Variants in TBC1D2B observed in about 807,000 individuals in gnomAD.
TBC1D2B encodes the protein TBC1 domain family, member 2B.
TBC1D2B carries 64 observed loss-of-function variants against 100.8 expected under a neutral mutation model. The ratio of observed to expected loss-of-function variants is 0.64; its 90% CI spans 0.52 to 0.78. The LOEUF (loss-of-function observed/expected upper bound fraction) is 0.78. Among genes scored for constraint, TBC1D2B ranks in the 30% least tolerant of loss-of-function variants. TBC1D2B has a pLI of 0.00. For missense variants in TBC1D2B, 1,052 were observed against 1,218.4 expected (o/e 0.86, Z 2.03); for synonymous variants, 480 against 479.7 (o/e 1.00, Z -0.01).
In TBC1D2B at chr15:78,024,499, T is replaced by C; in HGVS notation, c.1127A>G (p.Gln376Arg). The change falls in exon 6 of 13, where the codon CAG (glutamine) becomes CGG (arginine). Residue 376 changes from glutamine to arginine, a missense_variant. By Grantham distance (43) the Gln-to-Arg change is conservative. This residue lies in a region of TBC1D2B where 627 missense variants were observed against 646.1 expected (regional missense o/e 0.97). Transcript: ENST00000300584. ...GCTGCTTGTGAAATACTTGTCATAC[T>C]GGGATGACCGGACTGTCTGCTGGAG... is the stretch of plus-strand genomic sequence containing the variant. The part of the protein sequence containing the change: ...RLLQQTVRSS[Q>R]YDKYFTSSRL... The C allele has an allele frequency of 6.2e-7, 1 of 1,613,882 alleles. No individual in the cohort carries two copies. Among genetic ancestry groups the C allele is most frequent in the Non-Finnish European group, 8.5e-7 (1 of 1,179,828 alleles).
At chr15:78,055,426 C>T (rs970899312) in intron 1 of TBC1D2B, among the ~76,000 whole-genome samples, 1 of 151,972 alleles carries the variant, frequency 6.6e-6, no homozygotes, top group African/African-American at 2.4e-5. Flanking sequence ...CAAAGGAGTC[C>T]CAAGAAGAAG....
chr15:78,042,089 A>C (rs1053528000), intron 3 of TBC1D2B, among the ~76,000 whole-genome samples: 2 of 152,180 alleles, frequency 1.3e-5, no homozygotes, highest in African/African-American at 4.8e-5. Context: ...AGCTGATAGA[A>C]GATAACTCCT....
chr15:78,011,653 T>G lies in TBC1D2B; in HGVS notation c.2270+1170A>C, dbSNP rs1449900533. On this transcript the variant is annotated intron_variant, in intron 9 of 12. Coordinates refer to ENST00000300584, the MANE Select transcript of TBC1D2B (RefSeq NM_144572.2). ...GCCCAGCTAATTTTTTGGTTTTTTT[T>G]TTTTTTTTTTTTTTAGACAGAGTCT... 9.4e-5 allele frequency among the ~76,000 whole-genome samples: 14 copies of G among 148,554 alleles called. 1 individual carries two copies. The highest frequency in any genetic ancestry group is 1.7e-4 in the African/African-American group (7 of 40,412).
chr15:78,043,935 A>C (rs1172494710), intron 3 of TBC1D2B, among the ~76,000 whole-genome samples: 1 of 150,844 alleles, frequency 6.6e-6, no homozygotes, highest in Non-Finnish European at 1.5e-5. Flanking sequence ...CTGGAAGCTG[A>C]GGTAGGAGGA....
intron 12 of TBC1D2B, 102 bp downstream of exon 12, chr15:78,001,517 G>T (rs1439595345): frequency 1.4e-6 from 2 of 1,381,304 alleles, no homozygotes; most frequent in East Asian, 2.6e-5. Context: ...TGTACACCGG[G>T]GATGGCTCTG....
intron 2 of TBC1D2B, among the ~76,000 whole-genome samples, chr15:78,045,942 T>G (rs74729413): frequency 6.6e-6 from 1 of 151,966 alleles, no homozygotes; most frequent in Non-Finnish European, 1.5e-5. Flanking sequence ...TCTTTTTTTT[T>G]CCCCCATAGA....
At chr15:78,041,067 G>A (rs1156336517) in intron 3 of TBC1D2B, among the ~76,000 whole-genome samples, 1 of 151,986 alleles carries the variant, frequency 6.6e-6, no homozygotes, top group Non-Finnish European at 1.5e-5. Flanking sequence ...AGGCCTAACA[G>A]TTGTGAAACA....
chr15:78,008,446 C>T (rs1366237997), intron 10 of TBC1D2B, among the ~76,000 whole-genome samples: 1 of 152,200 alleles, frequency 6.6e-6, no homozygotes, highest in East Asian at 1.9e-4. Flanking sequence ...TGGTCACTGC[C>T]CTTGGCTTGA....
intron 3 of TBC1D2B, among the ~76,000 whole-genome samples, chr15:78,030,882 T>A (rs1245943754): frequency 6.6e-6 from 1 of 152,242 alleles, no homozygotes; most frequent in African/African-American, 2.4e-5. Flanking sequence ...TCAAGTACTA[T>A]ACAGCACTTA....
Position 77,995,184 on chromosome 15 carries a change from C to T in TBC1D2B, c.*2976G>A, listed in dbSNP as rs2071716758. The T allele has an allele frequency of 6.6e-6, 1 of 152,170 alleles. No homozygotes were observed. The highest frequency in any genetic ancestry group is 2.4e-5 in the African/African-American group (1 of 41,430). 9.4% of individuals were successfully genotyped at this position (152,170 alleles called of 1,614,324 possible). On this transcript the variant is annotated 3_prime_UTR_variant, in exon 13 of 13. Coordinates refer to ENST00000300584, the MANE Select transcript of TBC1D2B (RefSeq NM_144572.2). Reference sequence around the variant, plus strand: ...TATGGCCTCCCACCTGCAAGGACTTCCCCGGGCAGGCCCAGCTGCCCAGAA... The same window carrying T: ...TATGGCCTCCCACCTGCAAGGACTTTCCCGGGCAGGCCCAGCTGCCCAGAA...
intron 3 of TBC1D2B, 137 bp downstream of exon 3, chr15:78,044,763 C>T: frequency 1.3e-6 from 1 of 777,670 alleles, no homozygotes; most frequent in Non-Finnish European, 2.0e-6. Flanking sequence ...CCACAATGAT[C>T]TATGGGAAAG....
At position 78,024,229 on chromosome 15, in the gene TBC1D2B, G is replaced by A; in HGVS notation, c.1397C>T (p.Pro466Leu). 6.2e-7 allele frequency: 1 copy of A among 1,613,932 alleles called. No homozygotes were observed. The change falls in exon 6 of 13, where the codon CCT (proline) becomes CTT (leucine). Residue 466 changes from proline to leucine, a missense_variant. Pro to Leu is a moderately conservative substitution (Grantham distance 98, BLOSUM62 -3). This residue lies in a region of TBC1D2B where 627 missense variants were observed against 646.1 expected (regional missense o/e 0.97). Coordinates refer to ENST00000300584, the MANE Select transcript of TBC1D2B (RefSeq NM_144572.2). ...AGGGGAGCTGGGCGCCACGGTGGGA[G>A]GAGGCCCGTTGCCCTCGCCCTCGCT... ...KLSEGEGNGPPPTVAPSSPSV... is the reference protein window; with the variant it reads ...KLSEGEGNGPLPTVAPSSPSV...
chr15:78,024,439 T>G lies in TBC1D2B; in HGVS notation c.1187A>C (p.Glu396Ala), dbSNP rs1289384870. 6.2e-7 allele frequency: 1 copy of G among 1,614,028 alleles called. No homozygotes were observed. Among genetic ancestry groups the G allele is most frequent in the African/African-American group, 1.3e-5 (1 of 75,036 alleles). ...LCEGVPKDTLELLHQKDDQIL... is the reference protein window; with the variant it reads ...LCEGVPKDTLALLHQKDDQIL... ...CTGATCATCCTTTTGGTGCAGAAGC[T>G]CGAGCGTGTCCTTTGGGACCCCCTC... Residue 396 changes from glutamate (E) to alanine (A), a missense_variant, in exon 6 of 13, where the codon GAG becomes GCG. Glu to Ala is a moderately radical substitution (Grantham distance 107). Around this residue, in one of 4 missense-constraint regions of TBC1D2B, gnomAD observed 627 missense variants for 646.1 expected, o/e 0.97. Coordinates refer to ENST00000300584, the MANE Select transcript of TBC1D2B (RefSeq NM_144572.2).
At chr15:78,003,231 G>T in intron 11 of TBC1D2B, 74 bp downstream of exon 11, 3 of 1,419,092 alleles carry the variant, frequency 2.1e-6, no homozygotes, top group Non-Finnish European at 3.0e-6. Context: ...TGAGCCAGCC[G>T]CTCTACCGCC....
chr15:78,035,444 A>G (rs545991601), intron 3 of TBC1D2B, among the ~76,000 whole-genome samples: 62 of 152,342 alleles, frequency 4.1e-4, no homozygotes, highest in African/African-American at 1.3e-3. Context: ...AGGCAAAACC[A>G]CAACCTCTTC....
rs1401099587 is a variant in TBC1D2B at position 77,996,741 on chromosome 15, T to C, written c.*1419A>G. ...GGAAAAATACTTCTTAAAACTGCAT[T>C]GCTTCAATTCTTAGTCTCAGTGTGT... On this transcript the variant is annotated 3_prime_UTR_variant, in exon 13 of 13. Coordinates refer to ENST00000300584, the MANE Select transcript of TBC1D2B (RefSeq NM_144572.2). The C allele has an allele frequency of 2.0e-5, 3 of 152,218 alleles. No individual in the cohort carries two copies. Among genetic ancestry groups the C allele is most frequent in the Non-Finnish European group, 4.4e-5 (3 of 68,042 alleles). The allele number at this position is 152,218 out of a possible 1,614,324, so 9.4% of individuals were successfully genotyped here.
chr15:78,048,121 T>C (rs949102107), intron 2 of TBC1D2B, among the ~76,000 whole-genome samples: 1 of 152,100 alleles, frequency 6.6e-6, no homozygotes, highest in African/African-American at 2.4e-5. Context: ...CCACAGCCCA[T>C]ACTGGAAATA....
chr15:78,057,056 T>C (rs1457335236), intron 1 of TBC1D2B, among the ~76,000 whole-genome samples: 3 of 152,176 alleles, frequency 2.0e-5, no homozygotes, highest in Non-Finnish European at 4.4e-5. Context: ...CTAGGGCATA[T>C]CTGAACCAAC....
chr15:78,047,494 G>T (rs1368999444), intron 2 of TBC1D2B, among the ~76,000 whole-genome samples: 1 of 152,276 alleles, frequency 6.6e-6, no homozygotes, highest in South Asian at 2.1e-4. Flanking sequence ...AGGGTTCCAG[G>T]AGATGCCTGG....
Sources: allele counts gnomAD v4.1 joint callset (sites outside exome capture counted in the v4.1 genomes callset), GRCh38; gene constraint gnomAD v4.1.1; regional missense constraint gnomAD v4.1.1; transcripts MANE v1.5; gene names NCBI Gene and HGNC (gene_info 2026-07-23, HGNC 2026-07-21).